QTGAL: variants seen among roughly 807,000 people sequenced by gnomAD.
QTGAL encodes the protein queuosine-tRNA galactosyltransferase.
the QTGAL span, among the ~76,000 whole-genome samples, chr17:82,998,161 G>A: frequency 2.6e-5 from 4 of 151,748 alleles, no homozygotes; most frequent in Middle Eastern, 3.4e-3. Context: ...GTGAAGTGAC[G>A]GATACCCCAT....
the QTGAL span, chr17:82,979,311 A>G: frequency 4.6e-5 from 7 of 152,362 alleles, no homozygotes; most frequent in East Asian, 7.7e-4. Context: ...TAAACGCATC[A>G]CAGAGAATAC....
the QTGAL span, among the ~76,000 whole-genome samples, chr17:83,035,276 T>C: frequency 1.3e-5 from 2 of 151,786 alleles, no homozygotes; most frequent in East Asian, 3.9e-4. Flanking sequence ...GCCTCCTGGG[T>C]CCAAGCGATT....
the QTGAL span, among the ~76,000 whole-genome samples, chr17:82,997,683 C>A: frequency 1.3e-5 from 2 of 152,242 alleles, no homozygotes; most frequent in African/African-American, 4.8e-5. Context: ...TACATACACA[C>A]AATGAAGTGT....
the QTGAL span, chr17:83,006,822 C>T: frequency 1.8e-5 from 18 of 984,700 alleles, no homozygotes; most frequent in African/African-American, 1.7e-5. This position sits in a 1 kb window ranked among gnomAD's most constrained non-coding sequence, Gnocchi z 5.8. Context: ...CTGTGAACAG[C>T]GTCTTCAATC....
the QTGAL span, among the ~76,000 whole-genome samples, chr17:83,016,607 AGAGGAGG>A: frequency 7.8e-6 from 1 of 127,630 alleles, no homozygotes; most frequent in Non-Finnish European, 1.6e-5. Flanking sequence ...AGAGGACTGA[AGAGGAGG>A]GGGGAGGAGG....
At chr17:83,005,688 C>A in the QTGAL span, 23 of 702,980 alleles carry the variant, frequency 3.3e-5, no homozygotes, top group Admixed American at 4.7e-4. This position sits in a 1 kb window ranked among gnomAD's most constrained non-coding sequence, Gnocchi z 5.6. Flanking sequence ...GGAGAAGAGC[C>A]TTGCTACCAG....
At chr17:83,019,563 G>C in the QTGAL span, among the ~76,000 whole-genome samples, 1 of 152,210 alleles carries the variant, frequency 6.6e-6, no homozygotes, top group Non-Finnish European at 1.5e-5. Context: ...CACGGGGACA[G>C]AGCTTCAGTT....
the QTGAL span, chr17:82,961,359 A>G: frequency 2.4e-6 from 1 of 421,462 alleles, no homozygotes; most frequent in Non-Finnish European, 3.9e-6. Context: ...AACAGACGTG[A>G]GCAACCGAGC....
chr17:82,950,426 G>C, the QTGAL span, among the ~76,000 whole-genome samples: 1 of 152,194 alleles, frequency 6.6e-6, no homozygotes, highest in South Asian at 2.1e-4. Context: ...GACGGGGTTG[G>C]AGAGGGGGTC....
chr17:82,965,634 C>T, the QTGAL span: 5 of 1,586,860 alleles, frequency 3.2e-6, no homozygotes, highest in South Asian at 4.6e-5. Context: ...GACCTGATTC[C>T]CGCCTTCGGC....
the QTGAL span, among the ~76,000 whole-genome samples, chr17:83,047,323 CA>C: frequency 1.3e-5 from 2 of 152,190 alleles, no homozygotes; most frequent in Admixed American, 1.3e-4. Context: ...CCAAAGTCCC[CA>C]CCTAATGTCA....
chr17:83,006,718 T>C, the QTGAL span: 1 of 985,498 alleles, frequency 1.0e-6, no homozygotes, highest in Non-Finnish European at 1.2e-6. This position sits in a 1 kb window ranked among gnomAD's most constrained non-coding sequence, Gnocchi z 5.8. Flanking sequence ...GCTTTCGCAC[T>C]GCTCCTCGGC....
chr17:82,942,440 C>A, the QTGAL span: 1 of 1,613,628 alleles, frequency 6.2e-7, no homozygotes. Context: ...TGTCTTGTCT[C>A]TTCTTCAGCC....
At chr17:83,028,045 T>A in the QTGAL span, among the ~76,000 whole-genome samples, 1,011 of 151,370 alleles carry the variant, frequency 6.7e-3, 10 homozygotes, top group South Asian at 0.037. Flanking sequence ...TGGGAGGCGG[T>A]GGTTGCAGTG....
the QTGAL span, chr17:83,035,013 T>C: frequency 1.3e-6 from 2 of 1,557,140 alleles, no homozygotes; most frequent in Admixed American, 3.5e-5. Flanking sequence ...TTATACATTA[T>C]AAACAAAAGA....
At chr17:83,008,746 C>T in the QTGAL span, among the ~76,000 whole-genome samples, 1 of 152,230 alleles carries the variant, frequency 6.6e-6, no homozygotes, top group East Asian at 1.9e-4. Flanking sequence ...GGAGAGAAAG[C>T]GCCCAGCCCG....
the QTGAL span, chr17:82,942,188 A>C: frequency 3.6e-6 from 2 of 552,766 alleles, no homozygotes; most frequent in Non-Finnish European, 6.3e-6. Context: ...AAAAATTTCA[A>C]ACGTGTGAAT....
the QTGAL span, among the ~76,000 whole-genome samples, chr17:82,999,151 G>C: frequency 6.6e-6 from 1 of 152,082 alleles, no homozygotes; most frequent in South Asian, 2.1e-4. Flanking sequence ...AAGAGAAAAG[G>C]CTGGACATAT....
chr17:82,983,854 A>C, the QTGAL span, among the ~76,000 whole-genome samples: 2 of 152,192 alleles, frequency 1.3e-5, no homozygotes, highest in Non-Finnish European at 2.9e-5. Context: ...ATGGGCTTTT[A>C]AGGAGGTAGC....
Sources: allele counts gnomAD v4.1 joint callset (sites outside exome capture counted in the v4.1 genomes callset), GRCh38; gene constraint gnomAD v4.1.1; non-coding constraint Gnocchi (gnomAD v3.1); transcripts MANE v1.5; gene names NCBI Gene and HGNC (gene_info 2026-07-23, HGNC 2026-07-21).